Variants in DOCK4 observed in about 807,000 individuals in gnomAD.
DOCK4 encodes the protein dedicator of cytokinesis 4.
Under a neutral mutation model 268.1 loss-of-function variants are expected in DOCK4, and 97 were observed. That is an observed-to-expected ratio of 0.36 (90% CI 0.31 to 0.43). The LOEUF (loss-of-function observed/expected upper bound fraction) is 0.43. Among genes scored for constraint, DOCK4 ranks in the 20% least tolerant of loss-of-function variants. The probability of loss-of-function intolerance (pLI) is 1.00; values close to 1 mark genes in which losing one functional copy is unlikely to be tolerated. For synonymous variants in DOCK4, 954 were observed against 887.2 expected (o/e 1.08, Z -1.34); for missense variants, 2,145 against 2,455.7 (o/e 0.87, Z 2.67).
rs565742915 is a variant in DOCK4, at chr7:111,744,510, A to G, written c.4677+1824T>C. Among the ~76,000 whole-genome samples, 3 of 152,312 alleles carry G rather than the reference A, an allele frequency of 2.0e-5. No homozygotes were observed. In the East Asian group the frequency reaches 5.8e-4, roughly 29 times the overall value. Reference sequence around the variant, plus strand: ...GCTCTTTCCACAAGGTTTCAGGAACATAAGCAGGACGTAGAAGAAATAAAG... The same window carrying G: ...GCTCTTTCCACAAGGTTTCAGGAACGTAAGCAGGACGTAGAAGAAATAAAG... On this transcript the variant is annotated intron_variant, in intron 44 of 52. Coordinates refer to ENST00000428084, the MANE Select transcript of DOCK4 (RefSeq NM_001363540.2).
At chr7:112,116,469 A>G (rs1190433333) in intron 1 of DOCK4, among the ~76,000 whole-genome samples, 2 of 152,228 alleles carry the variant, frequency 1.3e-5, no homozygotes, top group Admixed American at 6.5e-5. Flanking sequence ...TCATACATCA[A>G]AGAAAAGCAA....
rs1237534318 is a variant in DOCK4, at chr7:111,741,418, G to A, written c.4919+122C>T. 51 of 1,442,646 alleles carry A rather than the reference G, an allele frequency of 3.5e-5. No individual in the cohort carries two copies. In the South Asian group the frequency reaches 5.5e-4, roughly 16 times the overall value. The allele number at this position is 1,442,646 out of a possible 1,614,324, so 89.4% of individuals were successfully genotyped here. ...TGGCAGAGGTCTGCAGCTGCCTCGCGGGTTAGTTATTTCATTAAGAAATAG... is the reference window on the plus strand; with the variant it reads ...TGGCAGAGGTCTGCAGCTGCCTCGCAGGTTAGTTATTTCATTAAGAAATAG... On this transcript the variant is annotated intron_variant, in intron 46 of 52. Transcript: ENST00000428084.
intron 25 of DOCK4, among the ~76,000 whole-genome samples, chr7:111,838,086 CAAAAAAAAA>C (rs749907970): frequency 1.0e-4 from 3 of 29,836 alleles, no homozygotes; most frequent in Non-Finnish European, 1.5e-4. Flanking sequence ...AACCCTACCT[CAAAAAAAAA>C]AAAAAAAAAA....
chr7:112,078,052 G>A (rs1436395373), intron 1 of DOCK4, among the ~76,000 whole-genome samples: 1 of 152,014 alleles, frequency 6.6e-6, no homozygotes, highest in Non-Finnish European at 1.5e-5. Context: ...TATTGATAAT[G>A]ATGAAAATAC....
chr7:111,791,175 A>G (rs1286515172), intron 30 of DOCK4, among the ~76,000 whole-genome samples: 1 of 147,914 alleles, frequency 6.8e-6, no homozygotes, highest in East Asian at 1.9e-4. Flanking sequence ...ATCATTTAAC[A>G]TAAGGCTGAA....
intron 1 of DOCK4, among the ~76,000 whole-genome samples, chr7:112,043,671 C>T (rs980556523): frequency 2.6e-5 from 4 of 151,814 alleles, no homozygotes; most frequent in Non-Finnish European, 4.4e-5. Context: ...CCAGTAGATG[C>T]GAATGTCAGG....
At chr7:111,866,736 G>T (rs1159277963) in intron 22 of DOCK4, among the ~76,000 whole-genome samples, 6 of 152,198 alleles carry the variant, frequency 3.9e-5, no homozygotes, top group African/African-American at 1.4e-4. Flanking sequence ...ACTCTTAAGA[G>T]TAAGAAAATA....
intron 47 of DOCK4, chr7:111,740,120 G>T: frequency 2.2e-6 from 1 of 444,548 alleles, no homozygotes; most frequent in Admixed American, 2.4e-5. Flanking sequence ...TTTTCTTTGA[G>T]ACACAGTCTC....
At chr7:112,151,763 GA>G (rs35436343) in intron 1 of DOCK4, among the ~76,000 whole-genome samples, 1,445 of 139,426 alleles carry the variant, frequency 0.01, 12 homozygotes, top group South Asian at 0.017. Flanking sequence ...TAGAGATGTG[GA>G]AAAAAAAAAA....
intron 30 of DOCK4, among the ~76,000 whole-genome samples, chr7:111,793,075 A>G (rs1343953542): frequency 6.6e-6 from 1 of 152,218 alleles, no homozygotes; most frequent in Admixed American, 6.5e-5. Context: ...TCCAGCATCA[A>G]GAAGAGTTGT....
At chr7:111,985,006 A>T (rs1181151951) in intron 6 of DOCK4, among the ~76,000 whole-genome samples, 2 of 152,300 alleles carry the variant, frequency 1.3e-5, no homozygotes, top group Middle Eastern at 3.4e-3. Context: ...GTCAGATTTC[A>T]TTGTGGCTGA....
intron 1 of DOCK4, among the ~76,000 whole-genome samples, chr7:112,164,416 A>C (rs547446555): frequency 6.6e-6 from 1 of 152,356 alleles, no homozygotes; most frequent in South Asian, 2.1e-4. Flanking sequence ...GCATATAACC[A>C]TATTAATAAA....
rs151007274 is a variant in DOCK4 at position 111,872,642 on chromosome 7, T to C, written c.1745-78A>G. The C allele has an allele frequency of 4.4e-5, 55 of 1,237,754 alleles. 1 individual carries two copies. The African/African-American group carries it at 5.3e-4, about 12-fold the overall frequency. 76.7% of individuals were successfully genotyped at this position (1,237,754 alleles called of 1,614,324 possible). ...CATGAAAGCGTTCTGCTAGTAAAAG[T>C]AAAATTCTTAACACATGTGGCTCCC... On this transcript the variant is annotated intron_variant, in intron 17 of 52. Transcript: ENST00000428084.
At chr7:111,928,586 C>CTTTTTTTT (rs200976875) in intron 12 of DOCK4, among the ~76,000 whole-genome samples, 4 of 129,506 alleles carry the variant, frequency 3.1e-5, no homozygotes, top group African/African-American at 1.1e-4. Flanking sequence ...TTTTCTTTTT[C>CTTTTTTTT]TTTTTTTTTT....
chr7:112,123,012 T>C (rs1812881265), intron 1 of DOCK4, among the ~76,000 whole-genome samples: 1 of 152,228 alleles, frequency 6.6e-6, no homozygotes, highest in African/African-American at 2.4e-5. Context: ...ACAAACTTTA[T>C]TAATGTATAC....
intron 6 of DOCK4, among the ~76,000 whole-genome samples, chr7:111,986,613 C>T (rs1329513439): frequency 1.3e-5 from 2 of 152,122 alleles, no homozygotes; most frequent in South Asian, 2.1e-4. Context: ...CACTAAACTA[C>T]TCTGTGACAC....
intron 1 of DOCK4, among the ~76,000 whole-genome samples, chr7:112,167,348 G>A (rs1817692988): frequency 6.6e-6 from 1 of 152,112 alleles, no homozygotes; most frequent in African/African-American, 2.4e-5. Flanking sequence ...CTGGCCTGTA[G>A]CCGGATGGCC....
At chr7:111,867,697 C>T (rs1305960904) in intron 22 of DOCK4, among the ~76,000 whole-genome samples, 1 of 152,132 alleles carries the variant, frequency 6.6e-6, no homozygotes, top group African/African-American at 2.4e-5. Flanking sequence ...CTGGTGGTGA[C>T]AGCATGTCCA....
At chr7:111,900,577 C>T in intron 14 of DOCK4, 41 bp from the exon 15 acceptor site, 1 of 1,576,464 alleles carries the variant, frequency 6.3e-7, no homozygotes, top group Non-Finnish European at 8.6e-7. Context: ...AGAGCTTCAT[C>T]TAAAGATCTT....
Sources: allele counts gnomAD v4.1 joint callset (sites outside exome capture counted in the v4.1 genomes callset), GRCh38; gene constraint gnomAD v4.1.1; transcripts MANE v1.5; gene names NCBI Gene and HGNC (gene_info 2026-07-23, HGNC 2026-07-21).